RALYL: variants seen among roughly 807,000 people sequenced by gnomAD.
RALYL encodes RNA-binding Raly-like protein.
Under a neutral mutation model 35.1 loss-of-function variants are expected in RALYL, and 29 were observed. The ratio of observed to expected loss-of-function variants is 0.83; its 90% CI spans 0.61 to 1.13. The LOEUF (loss-of-function observed/expected upper bound fraction) is 1.13. Ranked by LOEUF, RALYL falls within the 50% of genes most tolerant of loss-of-function variation. The pLI, the probability that RALYL is intolerant of heterozygous loss-of-function variation, is 0.00. For missense variants in RALYL, 359 were observed against 360.4 expected (o/e 1.00, Z 0.03); for synonymous variants, 120 against 127.6 (o/e 0.94, Z 0.40).
At chr8:84,510,090 G>A (rs559453046) in intron 1 of RALYL, among the ~76,000 whole-genome samples, 1 of 152,152 alleles carries the variant, frequency 6.6e-6, no homozygotes, top group Non-Finnish European at 1.5e-5. Context: ...TATGGATAAA[G>A]TTGGGAAAAG....
At chr8:84,651,908 C>A (rs114202650) in intron 2 of RALYL, among the ~76,000 whole-genome samples, 1 of 151,936 alleles carries the variant, frequency 6.6e-6, no homozygotes, top group Non-Finnish European at 1.5e-5. Flanking sequence ...GTAGAAAAAA[C>A]GTCCAAATAT....
intron 1 of RALYL, among the ~76,000 whole-genome samples, chr8:84,383,630 G>A (rs1260716193): frequency 1.3e-5 from 2 of 151,600 alleles, no homozygotes; most frequent in Non-Finnish European, 3.0e-5. Flanking sequence ...TGCACCCAGT[G>A]ATGTGTTGAG....
chr8:84,458,464 C>T (rs1290177605), intron 1 of RALYL, among the ~76,000 whole-genome samples: 1 of 151,660 alleles, frequency 6.6e-6, no homozygotes, highest in Admixed American at 6.6e-5. Flanking sequence ...TTGATTATAT[C>T]AAGTCTTGAG....
intron 8 of RALYL, among the ~76,000 whole-genome samples, chr8:84,903,646 A>G (rs757927871): frequency 5.9e-5 from 9 of 152,168 alleles, no homozygotes; most frequent in Admixed American, 2.6e-4. Flanking sequence ...GGGTTCTTAA[A>G]TAGCCTTGCA....
intron 1 of RALYL, among the ~76,000 whole-genome samples, chr8:84,405,938 G>C (rs2043439298): frequency 1.4e-5 from 2 of 145,198 alleles, no homozygotes; most frequent in Admixed American, 1.4e-4. Context: ...GCCTGCCTCA[G>C]CCTCCCAATA....
intron 1 of RALYL, among the ~76,000 whole-genome samples, chr8:84,348,243 C>T (rs1273757230): frequency 6.6e-6 from 1 of 152,112 alleles, no homozygotes; most frequent in Non-Finnish European, 1.5e-5. Context: ...GCCAAAATCA[C>T]TTCTGAGGAA....
chr8:84,289,304 A>G (rs1311425892), intron 1 of RALYL, among the ~76,000 whole-genome samples: 2 of 152,178 alleles, frequency 1.3e-5, no homozygotes, highest in Non-Finnish European at 2.9e-5. Context: ...AGGGCATAGG[A>G]AAAATTTACT....
intron 1 of RALYL, among the ~76,000 whole-genome samples, chr8:84,485,973 A>G (rs1355183873): frequency 6.7e-6 from 1 of 148,848 alleles, no homozygotes; most frequent in Non-Finnish European, 1.5e-5. Flanking sequence ...TGTAAGTTAT[A>G]TCAGGATGTG....
rs76885544 is a variant in RALYL at position 84,372,886 on chromosome 8, G to GTTTTTTTT, written c.-23-156391_-23-156384dup. Among the ~76,000 whole-genome samples the GTTTTTTTT allele has an allele frequency of 6.6e-3, 259 of 39,062 alleles. 10 individuals carry two copies. Among genetic ancestry groups the GTTTTTTTT allele is most frequent in the Non-Finnish European group, 8.2e-3 (180 of 22,014 alleles). The allele number at this position is 39,062 out of a possible 152,430, so 25.6% of individuals were successfully genotyped here. A position where few individuals can be genotyped will look rare whatever the true frequency, so the allele number is the denominator to read the frequency against. On this transcript the variant is annotated intron_variant, in intron 1 of 8. Transcript: ENST00000521268. ...TTTCTCCACAACCATGCCAGCATCTGTTTTTTTTTTTTTTTTTTTTTTTTT... is the reference window on the plus strand; with the variant it reads ...TTTCTCCACAACCATGCCAGCATCTGTTTTTTTTTTTTTTTTTTTTTTTTTTTTTTTTT...
chr8:84,704,729 C>T (rs949313869), intron 2 of RALYL, among the ~76,000 whole-genome samples: 1 of 152,028 alleles, frequency 6.6e-6, no homozygotes, highest in African/African-American at 2.4e-5. Flanking sequence ...CATCAAAAGT[C>T]AAGGACACTG....
intron 4 of RALYL, among the ~76,000 whole-genome samples, chr8:84,811,648 C>A (rs991709107): frequency 6.6e-6 from 1 of 152,072 alleles, no homozygotes; most frequent in Non-Finnish European, 1.5e-5. Flanking sequence ...TCAGGAATAC[C>A]GATTATTCTT....
chr8:84,225,396 G>A (rs1000467892), intron 1 of RALYL, among the ~76,000 whole-genome samples: 1 of 152,130 alleles, frequency 6.6e-6, no homozygotes, highest in Non-Finnish European at 1.5e-5. Context: ...TAGTCCTTCA[G>A]CAGATTTTCA....
chr8:84,421,828 C>G (rs1156396557), intron 1 of RALYL, among the ~76,000 whole-genome samples: 3 of 145,296 alleles, frequency 2.1e-5, no homozygotes, highest in African/African-American at 5.2e-5. Flanking sequence ...GTCTTTGGCT[C>G]TGTTTATATG....
intron 1 of RALYL, among the ~76,000 whole-genome samples, chr8:84,393,008 AAC>A (rs1406230715): frequency 6.6e-6 from 1 of 152,084 alleles, no homozygotes; most frequent in African/African-American, 2.4e-5. Flanking sequence ...AGCCAAATAA[AAC>A]AGTCTTTGCC....
At chr8:84,237,153 G>A (rs1826770700) in intron 1 of RALYL, among the ~76,000 whole-genome samples, 1 of 152,104 alleles carries the variant, frequency 6.6e-6, no homozygotes, top group African/African-American at 2.4e-5. Context: ...TAAGTTACAG[G>A]AAACCTACAC....
At chr8:84,891,365 A>C (rs1006087837) in intron 8 of RALYL, among the ~76,000 whole-genome samples, 20 of 152,194 alleles carry the variant, frequency 1.3e-4, no homozygotes, top group African/African-American at 4.8e-4. Flanking sequence ...CTTTTTTTAC[A>C]AAATAGGCAA....
At chr8:84,786,447 A>T (rs1407734326) in intron 3 of RALYL, among the ~76,000 whole-genome samples, 1 of 152,156 alleles carries the variant, frequency 6.6e-6, no homozygotes, top group African/African-American at 2.4e-5. Context: ...TCCCACCAAC[A>T]GTGTAAAAGA....
intron 8 of RALYL, among the ~76,000 whole-genome samples, chr8:84,898,246 G>C (rs1214429466): frequency 6.6e-6 from 1 of 152,186 alleles, no homozygotes; most frequent in African/African-American, 2.4e-5. Context: ...GCGGACCCCA[G>C]TCCTCTATGT....
chr8:84,269,667 A>G (rs936362838), intron 1 of RALYL, among the ~76,000 whole-genome samples: 1 of 152,158 alleles, frequency 6.6e-6, no homozygotes, highest in African/African-American at 2.4e-5. Flanking sequence ...TAATGTGTAG[A>G]AAATCTAAGT....
Sources: allele counts gnomAD v4.1 joint callset (sites outside exome capture counted in the v4.1 genomes callset), GRCh38; gene constraint gnomAD v4.1.1; transcripts MANE v1.5; gene names NCBI Gene and HGNC (gene_info 2026-07-23, HGNC 2026-07-21).